Variants in LCP1 observed in about 807,000 individuals in gnomAD.
LCP1 encodes lymphocyte cytosolic protein 1.
In LCP1, 23 loss-of-function variants were observed where a neutral mutation model predicts 72.0. The observed-to-expected ratio is 0.32, with a 90% CI of 0.23 to 0.45. LCP1 has a LOEUF of 0.45. LCP1 is among the 20% of genes least tolerant of loss of function. The probability of loss-of-function intolerance (pLI) is 1.00; values close to 1 mark genes in which losing one functional copy is unlikely to be tolerated. For missense variants in LCP1, 571 were observed against 748.3 expected (o/e 0.76, Z 2.76); for synonymous variants, 245 against 275.4 (o/e 0.89, Z 1.09).
chr13:46,127,473 T>C lies in LCP1; in HGVS notation c.*118A>G, dbSNP rs2045605828. ...ACTTGGCTGCACTAATATGTGCTTT[T>C]TGGAATCTTATAGAGTGTCACCAAG... On this transcript the variant is annotated 3_prime_UTR_variant, in exon 16 of 16. Coordinates refer to ENST00000323076, the MANE Select transcript of LCP1 (RefSeq NM_002298.5). 3 of 1,334,632 alleles carry C rather than the reference T, an allele frequency of 2.2e-6. No homozygotes were observed. Among genetic ancestry groups the C allele is most frequent in the Admixed American group, 4.4e-5 (2 of 45,368 alleles). The allele number at this position is 1,334,632 out of a possible 1,614,324, so 82.7% of individuals were successfully genotyped here.
At chr13:46,158,455 A>G (rs1807759796) in intron 4 of LCP1, 67 bp downstream of exon 4, 2 of 1,558,994 alleles carry the variant, frequency 1.3e-6, no homozygotes, top group Non-Finnish European at 1.7e-6. Context: ...TACATCCCTT[A>G]GGTTTGAATA....
intron 1 of LCP1, among the ~76,000 whole-genome samples, chr13:46,162,106 C>T (rs1261925997): frequency 1.3e-5 from 2 of 152,170 alleles, no homozygotes; most frequent in Non-Finnish European, 2.9e-5. Context: ...AATCACTCAG[C>T]TGGGTGGAGA....
chr13:46,130,588 G>GTTT (rs35095925), intron 15 of LCP1, among the ~76,000 whole-genome samples: 1,880 of 142,852 alleles, frequency 0.013, 38 homozygotes, highest in African/African-American at 0.044. Context: ...TTATTGGGTT[G>GTTT]TTTTTTTTTT....
rs376951806 is a variant in LCP1, at chr13:46,181,567, T to G, written c.-25+544A>C. 1.4e-4 allele frequency among the ~76,000 whole-genome samples: 21 copies of G among 152,318 alleles called. No individual in the cohort carries two copies. In the East Asian group the frequency reaches 3.9e-3, roughly 28 times the overall value. On this transcript the variant is annotated intron_variant, in intron 1 of 15. Transcript: ENST00000323076. ...TATAAAGCACACCCATTAAAAACCC[T>G]TGGCGCCAAAAATCACTCAAATAAC...
intron 6 of LCP1, among the ~76,000 whole-genome samples, chr13:46,154,584 C>T (rs1022189814): frequency 3.9e-5 from 6 of 152,142 alleles, no homozygotes; most frequent in African/African-American, 1.4e-4. Flanking sequence ...TCCTAAGTGG[C>T]CAAAACAAAC....
chr13:46,179,238 G>A (rs1429598798), intron 1 of LCP1, among the ~76,000 whole-genome samples: 1 of 152,132 alleles, frequency 6.6e-6, no homozygotes, highest in Non-Finnish European at 1.5e-5. Context: ...TAGGGCTTCG[G>A]TAAAGCTGAA....
intron 2 of LCP1, chr13:46,159,371 C>A: frequency 1.8e-6 from 1 of 553,180 alleles, no homozygotes. Context: ...AAACCATTTC[C>A]AGGAACAAAC....
At position 46,155,477 on chromosome 13, in the gene LCP1, T is replaced by G. The variant is rs368778335; in HGVS notation, c.492-591A>C. On this transcript the variant is annotated intron_variant, in intron 5 of 15. Coordinates refer to ENST00000323076, the MANE Select transcript of LCP1 (RefSeq NM_002298.5). ...CCTAAAAGCTAGAATTTTGATTTTT[T>G]TATAGCAATTGAACCTTTTAAAAAT... Among the ~76,000 whole-genome samples, 8 of 152,316 alleles carry G rather than the reference T, an allele frequency of 5.3e-5. No homozygotes were observed. The East Asian group carries it at 1.5e-3, about 29-fold the overall frequency.
chr13:46,157,194 T>C (rs967183067), intron 4 of LCP1, among the ~76,000 whole-genome samples: 5 of 151,408 alleles, frequency 3.3e-5, no homozygotes, highest in African/African-American at 1.2e-4. Flanking sequence ...TATATACATA[T>C]GTTTATTTTC....
At chr13:46,130,069 C>G (rs1407197372) in intron 15 of LCP1, among the ~76,000 whole-genome samples, 2 of 152,242 alleles carry the variant, frequency 1.3e-5, no homozygotes, top group Admixed American at 1.3e-4. Context: ...TTGCAAACCT[C>G]TAGCTCCTAT....
chr13:46,130,769 T>C (rs1443975477), intron 15 of LCP1, 45 bp downstream of exon 15: 4 of 1,609,760 alleles, frequency 2.5e-6, no homozygotes, highest in Middle Eastern at 1.7e-4. Context: ...CAGCTGCCAG[T>C]TGGGTCCTTC....
intron 1 of LCP1, among the ~76,000 whole-genome samples, chr13:46,161,194 C>A (rs548579724): frequency 1.3e-5 from 2 of 152,120 alleles, no homozygotes; most frequent in African/African-American, 4.8e-5. Flanking sequence ...AAAATAACAA[C>A]TCTGAGAGTC....
At chr13:46,135,492 C>A (rs2045659657) in intron 13 of LCP1, among the ~76,000 whole-genome samples, 1 of 152,182 alleles carries the variant, frequency 6.6e-6, no homozygotes, top group South Asian at 2.1e-4. Flanking sequence ...CGTGACTTTC[C>A]AGATGGTTTT....
intron 5 of LCP1, among the ~76,000 whole-genome samples, 174 bp from the exon 6 acceptor site, chr13:46,155,060 G>C (rs1014342323): frequency 6.6e-6 from 1 of 152,184 alleles, no homozygotes; most frequent in African/African-American, 2.4e-5. Context: ...CTGCGGGAAA[G>C]GTGAATACTA....
chr13:46,130,343 C>T (rs1351186829), intron 15 of LCP1, among the ~76,000 whole-genome samples: 1 of 152,164 alleles, frequency 6.6e-6, no homozygotes, highest in Non-Finnish European at 1.5e-5. Flanking sequence ...AAGCAGACAA[C>T]AGGGCAGATC....
chr13:46,149,229 T>C (rs1192342720), intron 8 of LCP1, among the ~76,000 whole-genome samples: 1 of 152,226 alleles, frequency 6.6e-6, no homozygotes, highest in Non-Finnish European at 1.5e-5. Flanking sequence ...TTATTTTGTT[T>C]CTACAACTGG....
chr13:46,145,313 T>C (rs1489122178), intron 10 of LCP1, among the ~76,000 whole-genome samples: 2 of 152,210 alleles, frequency 1.3e-5, no homozygotes, highest in Non-Finnish European at 2.9e-5. Context: ...TGAAAGGCGA[T>C]ATGCATTTGA....
At chr13:46,158,754 T>C (rs2045819367) in intron 3 of LCP1, 72 bp downstream of exon 3, 1 of 1,601,724 alleles carries the variant, frequency 6.2e-7, no homozygotes, top group Non-Finnish European at 8.5e-7. Context: ...AATGTCTTTC[T>C]GGATATTTTT....
chr13:46,160,252 C>T (rs2045829820), intron 1 of LCP1, among the ~76,000 whole-genome samples: 1 of 152,152 alleles, frequency 6.6e-6, no homozygotes, highest in Non-Finnish European at 1.5e-5. Context: ...CCTAGATGAC[C>T]ACATTCCCAG....
Sources: gnomAD v4.1 joint callset for allele counts (sites outside exome capture counted in the v4.1 genomes callset) on GRCh38, gnomAD v4.1.1 for gene constraint, MANE v1.5 for transcripts, NCBI Gene and HGNC (gene_info 2026-07-23, HGNC 2026-07-21) for gene names.